The following CDH13 variants were observed in gnomAD, a reference collection of about 807,000 sequenced individuals.
CDH13 encodes the protein cadherin 13.
Under a neutral mutation model 63.8 loss-of-function variants are expected in CDH13, and 24 were observed. The ratio of observed to expected loss-of-function variants is 0.38; its 90% CI spans 0.27 to 0.53. The LOEUF (loss-of-function observed/expected upper bound fraction) is 0.53, where lower values mean the gene tolerates loss of function less well. CDH13 is among the 20% of genes least tolerant of loss of function. The pLI is 0.85. For missense variants in CDH13, 1,049 were observed against 903.1 expected, an observed-to-expected ratio of 1.16 and a Z score of -2.07; for synonymous variants, 503 against 355.3, an observed-to-expected ratio of 1.42 and a Z score of -4.67.
chr16:83,701,119 C>T (rs766103634), intron 10 of CDH13, among the ~76,000 whole-genome samples: 3 of 152,144 alleles, frequency 2.0e-5, no homozygotes, highest in Non-Finnish European at 2.9e-5. Context: ...ATCTCGGCTG[C>T]AGGTTACATT....
chr16:83,405,739 G>C (rs11149563), intron 6 of CDH13, among the ~76,000 whole-genome samples: 3 of 152,064 alleles, frequency 2.0e-5, no homozygotes, highest in Admixed American at 6.5e-5. Flanking sequence ...TTTACTAATA[G>C]TGCCATGTTA....
intron 5 of CDH13, among the ~76,000 whole-genome samples, chr16:83,309,027 A>G (rs1364802597): frequency 6.6e-6 from 1 of 152,018 alleles, no homozygotes; most frequent in Non-Finnish European, 1.5e-5. Flanking sequence ...TTCCCTTGTC[A>G]CCTTGTTATG....
At chr16:82,994,321 C>A (rs141073441) in intron 2 of CDH13, among the ~76,000 whole-genome samples, 3 of 152,252 alleles carry the variant, frequency 2.0e-5, no homozygotes, top group Non-Finnish European at 4.4e-5. Context: ...CAACCCTGGC[C>A]CTTGCATTAG....
intron 7 of CDH13, among the ~76,000 whole-genome samples, chr16:83,576,187 C>A (rs936427958): frequency 5.9e-5 from 9 of 152,048 alleles, no homozygotes; most frequent in African/African-American, 1.9e-4. Context: ...CAGTCCCTGG[C>A]TAAAAACAAC....
intron 1 of CDH13, among the ~76,000 whole-genome samples, chr16:82,673,622 G>A (rs532798798): frequency 1.3e-4 from 20 of 152,188 alleles, no homozygotes; most frequent in Non-Finnish European, 2.6e-4. Flanking sequence ...CAACAAAAAG[G>A]TTTTCATTTC....
At chr16:83,056,395 C>G (rs2030942061) in intron 3 of CDH13, among the ~76,000 whole-genome samples, 1 of 151,348 alleles carries the variant, frequency 6.6e-6, no homozygotes, top group Non-Finnish European at 1.5e-5. Flanking sequence ...GGAAACAACT[C>G]AAAAGTCCAT....
intron 5 of CDH13, among the ~76,000 whole-genome samples, chr16:83,244,942 A>G (rs1464897993): frequency 2.0e-5 from 3 of 152,252 alleles, no homozygotes; most frequent in Non-Finnish European, 4.4e-5. Flanking sequence ...GGTGTTCAGC[A>G]TAAGCCATAT....
rs1555575571 is a variant in CDH13, at chr16:83,572,175, G to GGGGTGTGTGTGT, written c.961-30278_961-30277insGGTGTGTGTGTG. On this transcript the variant is annotated intron_variant, in intron 7 of 13. Transcript: ENST00000567109. ...GGTATTTTTTATTCCACTTTCCTGT[G>GGGGTGTGTGTGT]GTGTGTGTGTGTGTGTGTGTGTGTG... 1.1e-4 allele frequency among the ~76,000 whole-genome samples: 16 copies of GGGGTGTGTGTGT among 145,694 alleles called. No individual in the cohort carries two copies. The East Asian group carries it at 1.9e-3, about 17-fold the overall frequency.
intron 2 of CDH13, among the ~76,000 whole-genome samples, chr16:82,915,521 A>C (rs141576633): frequency 6.6e-6 from 1 of 152,266 alleles, no homozygotes; most frequent in African/African-American, 2.4e-5. Context: ...GCTGAAATAC[A>C]GGGGCCCAGG....
rs1033742790 is a variant in CDH13 at position 82,644,054 on chromosome 16, G to T, written c.45+16917G>T. Among the ~76,000 whole-genome samples, 5 of 152,148 alleles carry T rather than the reference G, an allele frequency of 3.3e-5. No homozygotes were observed. The highest frequency in any genetic ancestry group is 7.2e-5 in the African/African-American group (3 of 41,428). On this transcript the variant is annotated intron_variant, in intron 1 of 13. Transcript: ENST00000567109. The surrounding 1 kb of genome is among the most constrained non-coding windows in gnomAD (Gnocchi z 5.7). Reference sequence around the variant, plus strand: ...TTAAAAGTAGTAAGTGGTTTAGGATGGGGGGTGGTATGGAGGTCGGGTGGG... The same window carrying T: ...TTAAAAGTAGTAAGTGGTTTAGGATTGGGGGTGGTATGGAGGTCGGGTGGG...
At chr16:83,067,815 G>A (rs2032132593) in intron 3 of CDH13, among the ~76,000 whole-genome samples, 1 of 152,088 alleles carries the variant, frequency 6.6e-6, no homozygotes, top group Non-Finnish European at 1.5e-5. Flanking sequence ...TGCTGTTCCT[G>A]CCCCTCTCTT....
At chr16:82,818,494 G>T (rs540451761) in intron 1 of CDH13, among the ~76,000 whole-genome samples, 1 of 152,088 alleles carries the variant, frequency 6.6e-6, no homozygotes, top group East Asian at 1.9e-4. Flanking sequence ...AAAAGAAAAA[G>T]TTACATGAGC....
intron 13 of CDH13, among the ~76,000 whole-genome samples, chr16:83,783,721 A>AACT (rs1260410423): frequency 3.2e-4 from 49 of 152,326 alleles, no homozygotes; most frequent in African/African-American, 1.1e-3. Flanking sequence ...CTAGCCTGCA[A>AACT]ACTAGGTGGT....
In CDH13 at chr16:83,621,029, C is replaced by T. The variant is rs78828145; in HGVS notation, c.1101+18435C>T. ...GCAGGGTCAGAGACCTTTATATGCA[C>T]GCCCTCGAGCCCTCCTCCTGCCAGC... On this transcript the variant is annotated intron_variant, in intron 8 of 13. Transcript: ENST00000567109. Among the ~76,000 whole-genome samples the T allele has an allele frequency of 4.2e-4, 64 of 152,226 alleles. No individual in the cohort carries two copies. The East Asian group carries it at 0.01, about 25-fold the overall frequency.
At chr16:83,473,464 C>T (rs2073516432) in intron 6 of CDH13, among the ~76,000 whole-genome samples, 1 of 152,176 alleles carries the variant, frequency 6.6e-6, no homozygotes, top group Non-Finnish European at 1.5e-5. Flanking sequence ...TCACCAGCAC[C>T]CTGAAACCTC....
intron 7 of CDH13, among the ~76,000 whole-genome samples, chr16:83,562,321 C>G (rs1255220770): frequency 1.3e-5 from 2 of 152,096 alleles, no homozygotes; most frequent in Non-Finnish European, 2.9e-5. Context: ...GAGTTCAGCT[C>G]TACTACCAGA....
At chr16:83,358,007 C>A (rs1231302560) in intron 6 of CDH13, among the ~76,000 whole-genome samples, 1 of 152,170 alleles carries the variant, frequency 6.6e-6, no homozygotes, top group Non-Finnish European at 1.5e-5. Context: ...CTATGATCAT[C>A]TCTATGTCCC....
intron 2 of CDH13, among the ~76,000 whole-genome samples, chr16:82,929,964 G>A (rs2042433641): frequency 6.6e-6 from 1 of 150,572 alleles, no homozygotes; most frequent in Admixed American, 6.6e-5. Context: ...GCCACCGGAA[G>A]CCCCATGCCC....
chr16:83,659,995 C>T (rs535984724), intron 8 of CDH13, among the ~76,000 whole-genome samples: 4 of 152,102 alleles, frequency 2.6e-5, no homozygotes, highest in Non-Finnish European at 5.9e-5. Flanking sequence ...CCATATTAGT[C>T]AGGCTGGCCT....
Sources: allele counts gnomAD v4.1 joint callset (sites outside exome capture counted in the v4.1 genomes callset), GRCh38; gene constraint gnomAD v4.1.1; non-coding constraint Gnocchi (gnomAD v3.1); transcripts MANE v1.5; gene names NCBI Gene and HGNC (gene_info 2026-07-23, HGNC 2026-07-21).